CSGALNACT1: variants seen among roughly 807,000 people sequenced by gnomAD.
CSGALNACT1 encodes the protein beta4GalNAcT-1.
A neutral mutation model predicts 51.0 loss-of-function variants in CSGALNACT1; 52 were observed. The ratio of observed to expected loss-of-function variants is 1.02; its 90% CI spans 0.82 to 1.29. The LOEUF is 1.29. Ranked by LOEUF, CSGALNACT1 falls within the 50% of genes most tolerant of loss-of-function variation. The pLI is 0.00. For missense variants in CSGALNACT1, 935 were observed against 679.2 expected (o/e 1.38, Z -4.19); for synonymous variants, 341 against 254.4 (o/e 1.34, Z -3.24).
chr8:19,547,901 G>C (rs1465558780), intron 3 of CSGALNACT1, among the ~76,000 whole-genome samples: 3 of 152,210 alleles, frequency 2.0e-5, no homozygotes, highest in African/African-American at 7.2e-5. Context: ...AGGGATTTGG[G>C]TGTGTTGCCA....
At chr8:19,438,648 C>G (rs1028070464) in intron 6 of CSGALNACT1, among the ~76,000 whole-genome samples, 2 of 152,174 alleles carry the variant, frequency 1.3e-5, no homozygotes, top group Admixed American at 6.5e-5. Context: ...TTTGTGGTGA[C>G]TACTCAGCTG....
chr8:19,746,238 G>A (rs2064653919), intron 1 of CSGALNACT1, among the ~76,000 whole-genome samples: 2 of 151,948 alleles, frequency 1.3e-5, no homozygotes, highest in African/African-American at 4.8e-5. Context: ...GAGCTCCTGG[G>A]GTCAGAATCC....
chr8:19,713,040 C>T (rs762899250), intron 1 of CSGALNACT1, among the ~76,000 whole-genome samples: 3 of 152,286 alleles, frequency 2.0e-5, no homozygotes, highest in Non-Finnish European at 4.4e-5. Flanking sequence ...CCCATCTTTC[C>T]AGTGCTTTAT....
Position 19,408,698 on chromosome 8 carries a change from C to T in CSGALNACT1, c.1228-4G>A. On this transcript the variant is annotated splice_polypyrimidine_tract_variant and splice_region_variant and intron_variant, in intron 8 of 9. Transcript: ENST00000454498. ...ATCCAGTTTCCTTCTTTATGACCTG[C>T]AAGAAAAGCACTGTCATTTGAGGGG... The T allele has an allele frequency of 6.2e-7, 1 of 1,613,500 alleles. No homozygotes were observed. Among genetic ancestry groups the T allele is most frequent in the South Asian group, 1.1e-5 (1 of 91,060 alleles).
intron 1 of CSGALNACT1, among the ~76,000 whole-genome samples, chr8:19,736,600 C>G (rs1314088715): frequency 3.3e-5 from 5 of 151,802 alleles, no homozygotes; most frequent in Non-Finnish European, 7.4e-5. Flanking sequence ...TTCTTACGCA[C>G]AGTATGTCTG....
At chr8:19,502,959 T>G (rs1423802159) in intron 4 of CSGALNACT1, among the ~76,000 whole-genome samples, 1 of 103,130 alleles carries the variant, frequency 9.7e-6, no homozygotes, top group Non-Finnish European at 2.4e-5. Context: ...AATCCCACTT[T>G]GTTCTGAAAC....
chr8:19,650,310 A>G (rs1413497074), intron 1 of CSGALNACT1, among the ~76,000 whole-genome samples: 1 of 152,170 alleles, frequency 6.6e-6, no homozygotes, highest in Non-Finnish European at 1.5e-5. Flanking sequence ...ATAGATTTAG[A>G]TTTTTTCTCT....
At chr8:19,618,408 A>G (rs2053327014) in intron 1 of CSGALNACT1, among the ~76,000 whole-genome samples, 2 of 152,006 alleles carry the variant, frequency 1.3e-5, no homozygotes, top group Admixed American at 6.6e-5. Context: ...TGGGAGGCTG[A>G]GGTGGGTGAA....
chr8:19,667,301 G>C (rs947105902), intron 1 of CSGALNACT1, among the ~76,000 whole-genome samples: 6 of 151,730 alleles, frequency 4.0e-5, no homozygotes, highest in Non-Finnish European at 8.8e-5. Flanking sequence ...TGGGTGTTGT[G>C]GCACATGCCC....
intron 3 of CSGALNACT1, among the ~76,000 whole-genome samples, chr8:19,580,337 C>T (rs373485238): frequency 5.3e-5 from 8 of 152,294 alleles, no homozygotes; most frequent in African/African-American, 1.4e-4. Flanking sequence ...GAGGCTAAAA[C>T]GCTAAGCTGA....
At chr8:19,555,072 C>G (rs967869044) in intron 3 of CSGALNACT1, among the ~76,000 whole-genome samples, 5 of 150,894 alleles carry the variant, frequency 3.3e-5, no homozygotes, top group Non-Finnish European at 7.4e-5. Context: ...AACCTTGTCT[C>G]TACTAAAAAT....
At chr8:19,439,466 C>A (rs1405600191) in intron 6 of CSGALNACT1, among the ~76,000 whole-genome samples, 1 of 152,204 alleles carries the variant, frequency 6.6e-6, no homozygotes, top group Non-Finnish European at 1.5e-5. Context: ...GCTCACTGCC[C>A]AGCTGTGCTC....
chr8:19,451,832 A>C (rs2153802776), intron 5 of CSGALNACT1, among the ~76,000 whole-genome samples: 1 of 152,300 alleles, frequency 6.6e-6, no homozygotes, highest in Admixed American at 6.5e-5. Context: ...TCCGCATAGA[A>C]CTGCAAGGCG....
intron 4 of CSGALNACT1, among the ~76,000 whole-genome samples, chr8:19,474,869 G>GAAAAAAAAAA (rs10683237): frequency 7.0e-5 from 6 of 86,148 alleles, no homozygotes; most frequent in African/African-American, 9.4e-5. Context: ...CTCTGTCTCA[G>GAAAAAAAAAA]AAAAAAAAAA....
intron 5 of CSGALNACT1, among the ~76,000 whole-genome samples, chr8:19,454,804 T>C (rs2063791545): frequency 6.6e-6 from 1 of 151,344 alleles, no homozygotes; most frequent in South Asian, 2.1e-4. Context: ...AAAAAAAATA[T>C]TTCCAACCAC....
intron 2 of CSGALNACT1, among the ~76,000 whole-genome samples, chr8:19,601,302 A>G (rs62494474): frequency 2.8e-3 from 429 of 152,352 alleles, no homozygotes; most frequent in Non-Finnish European, 4.2e-3. Context: ...TCATTCTTCA[A>G]TTTCCAAAAC....
chr8:19,666,887 G>GAGAGAGGA (rs2059296086), intron 1 of CSGALNACT1, among the ~76,000 whole-genome samples: 1 of 125,006 alleles, frequency 8.0e-6, no homozygotes, highest in Non-Finnish European at 1.6e-5. Context: ...GAAAGAAAGA[G>GAGAGAGGA]AGAGAGGAAG....
intron 4 of CSGALNACT1, among the ~76,000 whole-genome samples, chr8:19,479,432 A>C (rs2070733204): frequency 6.6e-6 from 1 of 152,236 alleles, no homozygotes; most frequent in Non-Finnish European, 1.5e-5. Context: ...CTTTGGTTTT[A>C]TCAGTGTTAA....
chr8:19,618,629 C>CAAAAAAAAAAA (rs60787326), intron 1 of CSGALNACT1, among the ~76,000 whole-genome samples: 11 of 64,046 alleles, frequency 1.7e-4, no homozygotes, highest in Non-Finnish European at 2.6e-4. Flanking sequence ...AATACTCCAT[C>CAAAAAAAAAAA]AAAAAAAAAA....
Sources: allele counts gnomAD v4.1 joint callset (sites outside exome capture counted in the v4.1 genomes callset), GRCh38; gene constraint gnomAD v4.1.1; transcripts MANE v1.5; gene names NCBI Gene and HGNC (gene_info 2026-07-23, HGNC 2026-07-21).